AAK1: variants seen among roughly 807,000 people sequenced by gnomAD.
The protein encoded by AAK1 is AP2-associated protein kinase 1.
A neutral mutation model predicts 116.0 loss-of-function variants in AAK1; 37 were observed. That is an observed-to-expected ratio of 0.32 (90% CI 0.25 to 0.42). AAK1 has a LOEUF of 0.42. Ranked by LOEUF, AAK1 falls within the 10% of genes least tolerant of loss-of-function variation. The pLI, the probability that AAK1 is intolerant of heterozygous loss-of-function variation, is 1.00. For synonymous variants in AAK1, 458 were observed against 439.9 expected (o/e 1.04, Z -0.51); for missense variants, 919 against 1,170.6 (o/e 0.79, Z 3.14).
chr2:69,542,829 T>C (rs1207275621), intron 4 of AAK1, among the ~76,000 whole-genome samples, 164 bp from the exon 5 acceptor site: 3 of 152,290 alleles, frequency 2.0e-5, no homozygotes, highest in African/African-American at 7.2e-5. Flanking sequence ...ACTCCCAGCT[T>C]GGGATTTGTT....
intron 5 of AAK1, among the ~76,000 whole-genome samples, chr2:69,535,678 C>A (rs1175530974): frequency 6.6e-6 from 1 of 151,800 alleles, no homozygotes; most frequent in Non-Finnish European, 1.5e-5. Context: ...GCATTCCAAG[C>A]AGAAAACAGT....
chr2:69,467,592 A>G lies in AAK1; in HGVS notation c.*8277T>C, dbSNP rs554519066. 7 of 985,444 alleles carry G rather than the reference A, an allele frequency of 7.1e-6. No homozygotes were observed. The African/African-American group carries it at 1.2e-4, about 17-fold the overall frequency. 61.0% of individuals were successfully genotyped at this position (985,444 alleles called of 1,614,324 possible). A position where few individuals can be genotyped will look rare whatever the true frequency, so the allele number is the denominator to read the frequency against. Reference sequence around the variant, plus strand: ...TACTACTGGAGTTTCCCAACCCACCAGGATAAGAATATTAGATACAATGAT... The same window carrying G: ...TACTACTGGAGTTTCCCAACCCACCGGGATAAGAATATTAGATACAATGAT... On this transcript the variant is annotated 3_prime_UTR_variant, in exon 22 of 22. Coordinates refer to ENST00000409085, the MANE Select transcript of AAK1 (RefSeq NM_014911.5).
chr2:69,531,455 C>T (rs1019688844), intron 6 of AAK1: 15 of 309,448 alleles, frequency 4.8e-5, no homozygotes, highest in African/African-American at 1.6e-4. Context: ...GTAGTAATAG[C>T]GAGTGCTGTT....
intron 2 of AAK1, among the ~76,000 whole-genome samples, chr2:69,594,356 C>A (rs893083048): frequency 6.6e-6 from 1 of 152,224 alleles, no homozygotes; most frequent in African/African-American, 2.4e-5. Context: ...TGTACCTCCA[C>A]ATCATTCTTT....
chr2:69,557,107 C>T, intron 2 of AAK1, 129 bp from the exon 3 acceptor site: 1 of 680,542 alleles, frequency 1.5e-6, no homozygotes, highest in Admixed American at 2.1e-5. Context: ...GCCTTTAGGG[C>T]TAGCCTGTTG....
chr2:69,556,323 A>G (rs1206026015), intron 3 of AAK1, among the ~76,000 whole-genome samples: 1 of 152,176 alleles, frequency 6.6e-6, no homozygotes, highest in East Asian at 1.9e-4. Flanking sequence ...ACTTCTATAA[A>G]TAGATTCATA....
At chr2:69,636,630 G>A (rs1212603675) in intron 2 of AAK1, among the ~76,000 whole-genome samples, 2 of 152,124 alleles carry the variant, frequency 1.3e-5, no homozygotes, top group Non-Finnish European at 2.9e-5. Flanking sequence ...CTAGCCACAT[G>A]TGACTATTAA....
intron 16 of AAK1, 72 bp from the exon 17 acceptor site, chr2:69,496,152 C>G: frequency 9.0e-7 from 1 of 1,112,382 alleles, no homozygotes; most frequent in Non-Finnish European, 1.3e-6. Flanking sequence ...CCAAGTAAAT[C>G]TAGGTAAGTT....
intron 17 of AAK1, among the ~76,000 whole-genome samples, chr2:69,488,519 T>G (rs1021383469): frequency 2.6e-5 from 4 of 152,070 alleles, no homozygotes; most frequent in African/African-American, 9.7e-5. Flanking sequence ...AAGAACTACT[T>G]TAAAGTGTTG....
Position 69,577,468 on chromosome 2 carries a change from G to A in AAK1, c.164-20490C>T, listed in dbSNP as rs115846459. On this transcript the variant is annotated intron_variant, in intron 2 of 21. Coordinates refer to ENST00000409085, the MANE Select transcript of AAK1 (RefSeq NM_014911.5). ...TCTGTAGAATTTACTCCCCTGCTGT[G>A]AAGAAGAAATGGTGCCCTAACACTC... 3.3e-3 allele frequency among the ~76,000 whole-genome samples: 505 copies of A among 152,200 alleles called. 3 individuals are homozygous for A. Among genetic ancestry groups the A allele is most frequent in the African/African-American group, 0.012 (488 of 41,512 alleles).
rs372034201 is a variant in AAK1, at chr2:69,514,592, T to G, written c.1655A>C (p.His552Pro). 6.9e-6 allele frequency: 11 copies of G among 1,585,676 alleles called. No homozygotes were observed. Among genetic ancestry groups the G allele is most frequent in the Non-Finnish European group, 8.6e-6 (10 of 1,165,940 alleles). ...QQQQQLATAL[H>P]QQQLMTQQAA... ...CTGCTGAGTCATCAGCTGTTGTTGA[T>G]GCAGGGCTGTGGCCAGCTGTTGCTG... Residue 552 changes from histidine to proline, a missense_variant, in exon 13 of 22, where the codon CAT (histidine) becomes CCT (proline). His to Pro is a moderately conservative substitution (Grantham distance 77). Coordinates refer to ENST00000409085, the MANE Select transcript of AAK1 (RefSeq NM_014911.5).
At position 69,542,517 on chromosome 2, in the gene AAK1, C is replaced by G. The variant is rs775008478; in HGVS notation, c.534+6G>C. 2 of 1,613,760 alleles carry G rather than the reference C, an allele frequency of 1.2e-6. No individual in the cohort carries two copies. Among genetic ancestry groups the G allele is most frequent in the Non-Finnish European group, 1.7e-6 (2 of 1,179,784 alleles). ...AATGCCCGTAATGAAAGAGTGTGGT[C>G]TGTACCTTCAGGTCCCGGTGGATAA... On this transcript the variant is annotated splice_donor_region_variant and intron_variant, in intron 5 of 21. Transcript: ENST00000409085.
intron 2 of AAK1, among the ~76,000 whole-genome samples, chr2:69,581,207 G>C (rs1192831829): frequency 1.3e-5 from 2 of 151,998 alleles, no homozygotes; most frequent in Non-Finnish European, 2.9e-5. Context: ...TCCGCCTCCC[G>C]GGTTCAAGCA....
At chr2:69,515,937 T>C (rs1325774915) in intron 12 of AAK1, among the ~76,000 whole-genome samples, 4 of 152,166 alleles carry the variant, frequency 2.6e-5, no homozygotes, top group Middle Eastern at 3.2e-3. Context: ...TTATGATAGA[T>C]ATATCCTGAA....
chr2:69,531,194 A>C (rs1470237918), intron 6 of AAK1, among the ~76,000 whole-genome samples: 2 of 152,192 alleles, frequency 1.3e-5, no homozygotes, highest in Non-Finnish European at 2.9e-5. Flanking sequence ...ATCAGGCTGA[A>C]ATAACAGTTT....
chr2:69,630,333 CG>C (rs1404671822), intron 2 of AAK1, among the ~76,000 whole-genome samples: 1 of 14,232 alleles, frequency 7.0e-5, no homozygotes, highest in Non-Finnish European at 1.6e-4. Context: ...CTGAGTGGGG[CG>C]GGGGGTGGGG....
intron 2 of AAK1, among the ~76,000 whole-genome samples, chr2:69,584,432 G>A (rs1672678688): frequency 6.6e-6 from 1 of 152,226 alleles, no homozygotes; most frequent in South Asian, 2.1e-4. Flanking sequence ...AATGGGGTAA[G>A]AGTATAAGAA....
chr2:69,572,555 G>A (rs1672129669), intron 2 of AAK1, among the ~76,000 whole-genome samples: 1 of 149,458 alleles, frequency 6.7e-6, no homozygotes, highest in Non-Finnish European at 1.5e-5. Context: ...GGAGGAAGAG[G>A]TTGCAGTGAG....
intron 2 of AAK1, among the ~76,000 whole-genome samples, chr2:69,612,349 T>C (rs1674124349): frequency 6.6e-6 from 1 of 152,242 alleles, no homozygotes; most frequent in Admixed American, 6.5e-5. Context: ...TTCTACCTAT[T>C]AGCAGACAAC....
Sources: allele counts gnomAD v4.1 joint callset (sites outside exome capture counted in the v4.1 genomes callset), GRCh38; gene constraint gnomAD v4.1.1; transcripts MANE v1.5; gene names NCBI Gene and HGNC (gene_info 2026-07-23, HGNC 2026-07-21).